FDFT1: variants seen among roughly 807,000 people sequenced by gnomAD.
The protein encoded by FDFT1 is farnesyl-diphosphate farnesyltransferase 1.
Under a neutral mutation model 46.8 loss-of-function variants are expected in FDFT1, and 68 were observed. The observed-to-expected ratio is 1.45, with a 90% confidence interval of 1.19 to 1.78. The LOEUF (loss-of-function observed/expected upper bound fraction) is 1.78, where lower values mean the gene tolerates loss of function less well. FDFT1 is among the 40% of genes most tolerant of loss of function. FDFT1 has a pLI of 0.00. For missense variants in FDFT1, 928 were observed against 524.4 expected (o/e 1.77, Z -7.52); for synonymous variants, 351 against 185.1 (o/e 1.90, Z -7.28).
chr8:11,819,811 A>G (rs1808972253), intron 3 of FDFT1, among the ~76,000 whole-genome samples: 1 of 152,048 alleles, frequency 6.6e-6, no homozygotes, highest in South Asian at 2.1e-4. Flanking sequence ...AGCTTGGAGA[A>G]GTTTGTTATT....
At chr8:11,832,295 C>T (rs571242375) in intron 7 of FDFT1, among the ~76,000 whole-genome samples, 5 of 152,100 alleles carry the variant, frequency 3.3e-5, no homozygotes, top group African/African-American at 4.8e-5. Flanking sequence ...TAGCTTACTC[C>T]TGAAATCCCA....
chr8:11,821,745 T>G lies in FDFT1; in HGVS notation c.382-5T>G. The G allele has an allele frequency of 6.2e-7, 1 of 1,612,846 alleles. No individual in the cohort carries two copies. Among genetic ancestry groups the G allele is most frequent in the Non-Finnish European group, 8.5e-7 (1 of 1,179,108 alleles). On this transcript the variant is annotated splice_region_variant and splice_polypyrimidine_tract_variant and intron_variant, in intron 3 of 7. Transcript: ENST00000220584. ...ATTTCTGTGTTTTTACGGTTTCCAT[T>G]TCAGATCTCCCTTGAGTTTAGAAAT...
chr8:11,803,297 T>G (rs1036640454), intron 1 of FDFT1: 2 of 1,311,416 alleles, frequency 1.5e-6, no homozygotes, highest in Non-Finnish European at 2.0e-6. Context: ...AGTGAGTTTT[T>G]TGGTAAGCGG....
intron 3 of FDFT1, among the ~76,000 whole-genome samples, chr8:11,820,380 G>C (rs1469207680): frequency 6.6e-6 from 1 of 152,208 alleles, no homozygotes; most frequent in Non-Finnish European, 1.5e-5. Context: ...GCTCTCTTCA[G>C]AGCTGTCAGG....
At chr8:11,832,919 C>G (rs113718933) in intron 7 of FDFT1, among the ~76,000 whole-genome samples, 1,635 of 152,228 alleles carry the variant, frequency 0.011, 30 homozygotes, top group African/African-American at 0.037. Flanking sequence ...CCCTGTTACG[C>G]GTTTACAGGA....
chr8:11,837,933 G>T (rs1181234826), intron 7 of FDFT1, among the ~76,000 whole-genome samples: 1 of 152,156 alleles, frequency 6.6e-6, no homozygotes, highest in East Asian at 1.9e-4. Context: ...CCCTGCTTCT[G>T]TTCCTGTCCC....
At chr8:11,824,062 TTTG>T (rs1422481434) in intron 4 of FDFT1, among the ~76,000 whole-genome samples, 1 of 152,050 alleles carries the variant, frequency 6.6e-6, no homozygotes, top group Admixed American at 6.5e-5. Flanking sequence ...GAGGTCTTGC[TTTG>T]TTGGCCAGGC....
upstream of FDFT1, among the ~76,000 whole-genome samples, chr8:11,799,495 C>G (rs1336260744): frequency 4.6e-5 from 7 of 152,210 alleles, no homozygotes; most frequent in Non-Finnish European, 1.0e-4. Flanking sequence ...AATTGGGTAT[C>G]TTATTGCCAC....
intron 3 of FDFT1, among the ~76,000 whole-genome samples, chr8:11,812,041 T>C (rs1302755628): frequency 6.6e-6 from 1 of 152,142 alleles, no homozygotes; most frequent in Non-Finnish European, 1.5e-5. Flanking sequence ...GAACAAGTAG[T>C]GTGAAAGAGG....
At chr8:11,831,851 C>G in intron 7 of FDFT1, 181 bp downstream of exon 7, 1 of 598,062 alleles carries the variant, frequency 1.7e-6, no homozygotes, top group South Asian at 2.0e-5. Flanking sequence ...GAGCAGATTG[C>G]TCACTGCTGT....
upstream of FDFT1, among the ~76,000 whole-genome samples, chr8:11,799,664 T>G (rs2130633914): frequency 6.6e-6 from 1 of 152,332 alleles, no homozygotes; most frequent in South Asian, 2.1e-4. Flanking sequence ...ATAGCACTTG[T>G]AGGCTGGGAG....
chr8:11,826,498 G>C (rs1810017220), intron 5 of FDFT1, among the ~76,000 whole-genome samples: 2 of 152,154 alleles, frequency 1.3e-5, no homozygotes, highest in African/African-American at 2.4e-5. Flanking sequence ...ATGTGCACTA[G>C]CTTAACAAAA....
intron 1 of FDFT1, among the ~76,000 whole-genome samples, chr8:11,807,363 A>G (rs1051604504): frequency 2.6e-5 from 4 of 152,018 alleles, no homozygotes; most frequent in Admixed American, 2.0e-4. Context: ...AGGTCTCACT[A>G]TGTTGCCCAG....
intron 7 of FDFT1, among the ~76,000 whole-genome samples, chr8:11,834,285 G>A (rs1413626086): frequency 6.6e-6 from 1 of 152,214 alleles, no homozygotes; most frequent in Non-Finnish European, 1.5e-5. Context: ...CCACTCTGGA[G>A]CAGCCTCTGC....
intron 3 of FDFT1, 106 bp from the exon 4 acceptor site, chr8:11,821,644 G>A (rs1043078248): frequency 7.6e-7 from 1 of 1,311,496 alleles, no homozygotes; most frequent in African/African-American, 1.5e-5. Context: ...GCTTATAGAT[G>A]AACCATTGCA....
chr8:11,821,741 C>G lies in FDFT1; in HGVS notation c.382-9C>G, dbSNP rs1809277748. 2 of 1,612,562 alleles carry G rather than the reference C, an allele frequency of 1.2e-6. No individual in the cohort carries two copies. The highest frequency in any genetic ancestry group is 1.7e-6 in the Non-Finnish European group (2 of 1,178,966). ...CATGATTTCTGTGTTTTTACGGTTT[C>G]CATTTCAGATCTCCCTTGAGTTTAG... is the stretch of plus-strand genomic sequence containing the variant. On this transcript the variant is annotated splice_polypyrimidine_tract_variant and intron_variant, in intron 3 of 7. Transcript: ENST00000220584.
chr8:11,821,572 C>T (rs1809251684), intron 3 of FDFT1, among the ~76,000 whole-genome samples, 178 bp from the exon 4 acceptor site: 1 of 152,214 alleles, frequency 6.6e-6, no homozygotes, highest in Non-Finnish European at 1.5e-5. Flanking sequence ...GCCTGGGCAA[C>T]ATTGCGAGAC....
intron 5 of FDFT1, among the ~76,000 whole-genome samples, chr8:11,829,946 C>G (rs1257503309): frequency 1.3e-5 from 2 of 151,876 alleles, no homozygotes; most frequent in African/African-American, 4.8e-5. Flanking sequence ...CCCCTAGGTT[C>G]AAGCAATTCT....
intron 7 of FDFT1, among the ~76,000 whole-genome samples, chr8:11,836,872 A>C (rs1263173438): frequency 6.6e-6 from 1 of 152,248 alleles, no homozygotes; most frequent in African/African-American, 2.4e-5. Flanking sequence ...CCTTGTCTCT[A>C]TTAAAAATGC....
Sources: allele counts gnomAD v4.1 joint callset (sites outside exome capture counted in the v4.1 genomes callset), GRCh38; gene constraint gnomAD v4.1.1; transcripts MANE v1.5; gene names NCBI Gene and HGNC (gene_info 2026-07-23, HGNC 2026-07-21).